DDC: variants seen among roughly 807,000 people sequenced by gnomAD.
The protein encoded by DDC is dopa decarboxylase.
Under a neutral mutation model 60.0 loss-of-function variants are expected in DDC, and 43 were observed. The observed-to-expected ratio is 0.72, with a 90% CI of 0.56 to 0.92. DDC has a LOEUF of 0.92. Among genes scored for constraint, DDC ranks in the 40% least tolerant of loss-of-function variants. The pLI is 0.00. For synonymous variants in DDC, 232 were observed against 234.6 expected (o/e 0.99, Z 0.10); for missense variants, 573 against 620.2 (o/e 0.92, Z 0.81).
Position 50,537,898 on chromosome 7 carries a change from A to C in DDC, c.397T>G (p.Leu133Val). 2 of 1,614,112 alleles carry C rather than the reference A, an allele frequency of 1.2e-6. No individual in the cohort carries two copies. The highest frequency in any genetic ancestry group is 1.7e-6 in the Non-Finnish European group (2 of 1,180,012). ...GKMLELPKAF[L>V]NEKAGEGGGV... ...CCCCCTTCTCCAGCTTTCTCATTCA[A>C]AAATGCCTTTGGTAGTTCCAGCATC... The change falls in exon 4 of 15, where the codon TTG (leucine) becomes GTG (valine). Residue 133 changes from leucine (L) to valine (V), a missense_variant. Leu to Val is a conservative substitution (Grantham distance 32, BLOSUM62 1). Transcript: ENST00000444124.
At chr7:50,459,150 G>A (rs2042190709) in intron 14 of DDC, among the ~76,000 whole-genome samples, 1 of 152,248 alleles carries the variant, frequency 6.6e-6, no homozygotes, top group Admixed American at 6.5e-5. Context: ...GTGGAGACGG[G>A]GTTTCGCTGT....
chr7:50,535,490 T>C (rs1200095366), intron 4 of DDC, among the ~76,000 whole-genome samples: 1 of 152,136 alleles, frequency 6.6e-6, no homozygotes, highest in African/African-American at 2.4e-5. Context: ...TTATGTCTGA[T>C]GGAAAAAGAG....
intron 6 of DDC, among the ~76,000 whole-genome samples, chr7:50,524,532 T>C (rs757009917): frequency 4.6e-5 from 7 of 152,232 alleles, no homozygotes; most frequent in Non-Finnish European, 1.0e-4. Flanking sequence ...ACACATGTCA[T>C]TGACGAGGAC....
chr7:50,548,021 G>A (rs79012332), intron 1 of DDC, among the ~76,000 whole-genome samples: 1 of 152,106 alleles, frequency 6.6e-6, no homozygotes, highest in Admixed American at 6.5e-5. Context: ...TTATTAATCT[G>A]TTATAGTGAT....
chr7:50,473,346 G>A (rs1480219874), intron 11 of DDC, among the ~76,000 whole-genome samples: 2 of 152,250 alleles, frequency 1.3e-5, no homozygotes, highest in African/African-American at 2.4e-5. Context: ...CCCGGTGGCT[G>A]CCCGGGGCTG....
At chr7:50,460,380 C>T (rs572699474) in intron 14 of DDC, among the ~76,000 whole-genome samples, 6 of 147,386 alleles carry the variant, frequency 4.1e-5, no homozygotes, top group East Asian at 4.1e-4. Context: ...GCCCCCCGCC[C>T]GGCCAGCCGC....
At position 50,476,153 on chromosome 7, in the gene DDC, T is replaced by TTC. The variant is rs113719591; in HGVS notation, c.1041+469_1041+470dup. On this transcript the variant is annotated intron_variant, in intron 11 of 14. Coordinates refer to ENST00000444124, the MANE Select transcript of DDC (RefSeq NM_001082971.2). ...ACTAACACTAGAACAACCTGGCATT[T>TTC]TCAAAGTATGCCTCATTCAACACTT... Among the ~76,000 whole-genome samples, 405 of 152,342 alleles carry TTC rather than the reference T, an allele frequency of 2.7e-3. 2 individuals are homozygous for TTC. The highest frequency in any genetic ancestry group is 9.2e-3 in the African/African-American group (384 of 41,588).
At chr7:50,523,361 C>T (rs767629116) in intron 6 of DDC, among the ~76,000 whole-genome samples, 2 of 152,114 alleles carry the variant, frequency 1.3e-5, no homozygotes, top group Non-Finnish European at 2.9e-5. Flanking sequence ...CTGCAAAAGA[C>T]ATTGTTTAAA....
intron 1 of DDC, among the ~76,000 whole-genome samples, chr7:50,546,841 A>G (rs1169719684): frequency 3.3e-5 from 5 of 152,234 alleles, no homozygotes; most frequent in Non-Finnish European, 5.9e-5. Context: ...GCAAATGCCA[A>G]ACTAACAAGC....
intron 6 of DDC, among the ~76,000 whole-genome samples, chr7:50,504,696 GGT>G (rs919079910): frequency 3.8e-4 from 58 of 151,704 alleles, no homozygotes; most frequent in African/African-American, 1.3e-3. Flanking sequence ...AGTTTGGGGG[GGT>G]GTGTGTGTGT....
At chr7:50,527,862 A>T in intron 6 of DDC, 1 of 332,114 alleles carries the variant, frequency 3.0e-6, no homozygotes, top group Non-Finnish European at 5.6e-6. Context: ...TGAATTGACA[A>T]AACAAAAAAA....
At chr7:50,549,874 G>C (rs948931429) in intron 1 of DDC, among the ~76,000 whole-genome samples, 1 of 152,156 alleles carries the variant, frequency 6.6e-6, no homozygotes, top group Non-Finnish European at 1.5e-5. Context: ...TGATAAAATT[G>C]GACAGATTAG....
intron 14 of DDC, among the ~76,000 whole-genome samples, chr7:50,462,524 C>T (rs187463316): frequency 7.9e-5 from 12 of 152,292 alleles, no homozygotes; most frequent in East Asian, 7.7e-4. Flanking sequence ...AGAATTTGGA[C>T]GGCAAGTCGT....
chr7:50,485,172 T>C (rs2153537223), intron 9 of DDC, among the ~76,000 whole-genome samples: 1 of 152,338 alleles, frequency 6.6e-6, no homozygotes, highest in African/African-American at 2.4e-5. Flanking sequence ...GTGGATAATA[T>C]ATGCCTTTCG....
At chr7:50,557,947 C>T (rs2045237674) in intron 1 of DDC, among the ~76,000 whole-genome samples, 1 of 152,136 alleles carries the variant, frequency 6.6e-6, no homozygotes, top group Admixed American at 6.5e-5. Flanking sequence ...TTAAAACATT[C>T]AAATTTTATT....
chr7:50,549,523 G>T (rs557852410), intron 1 of DDC, among the ~76,000 whole-genome samples: 1 of 151,938 alleles, frequency 6.6e-6, no homozygotes, highest in African/African-American at 2.4e-5. Flanking sequence ...GTGTGGTGGC[G>T]GGCTCCTGTA....
intron 10 of DDC, among the ~76,000 whole-genome samples, chr7:50,478,106 G>A (rs1363055812): frequency 1.3e-5 from 2 of 152,010 alleles, no homozygotes; most frequent in African/African-American, 4.8e-5. Flanking sequence ...CCAGCTACTT[G>A]GAAGGCTGAA....
intron 9 of DDC, among the ~76,000 whole-genome samples, chr7:50,484,249 T>A (rs1227045367): frequency 1.3e-5 from 2 of 152,252 alleles, no homozygotes; most frequent in Non-Finnish European, 2.9e-5. Context: ...GCTTTGTCGA[T>A]CCTCTCTGTT....
chr7:50,534,148 AG>A (rs1417069764), intron 4 of DDC, among the ~76,000 whole-genome samples: 1 of 152,130 alleles, frequency 6.6e-6, no homozygotes, highest in Non-Finnish European at 1.5e-5. Flanking sequence ...CTAACAAACA[AG>A]CTTGACCAAG....
Sources: allele counts gnomAD v4.1 joint callset (sites outside exome capture counted in the v4.1 genomes callset), GRCh38; gene constraint gnomAD v4.1.1; transcripts MANE v1.5; gene names NCBI Gene and HGNC (gene_info 2026-07-23, HGNC 2026-07-21).